The following GPC5 variants were observed in gnomAD, a reference collection of about 807,000 sequenced individuals.
GPC5 encodes the protein glypican-5.
GPC5 carries 47 observed loss-of-function variants against 53.9 expected under a neutral mutation model. The observed-to-expected ratio is 0.87, with a 90% CI of 0.69 to 1.11. GPC5 has a LOEUF of 1.11. Among genes scored for constraint, GPC5 ranks in the 50% most tolerant of loss-of-function variants. The pLI, the probability that GPC5 is intolerant of heterozygous loss-of-function variation, is 0.00. For missense variants in GPC5, 748 were observed against 713.1 expected, an observed-to-expected ratio of 1.05 and a Z score of -0.56; for synonymous variants, 286 against 263.3, an observed-to-expected ratio of 1.09 and a Z score of -0.84.
At chr13:92,715,075 A>C (rs7317017) in intron 7 of GPC5, among the ~76,000 whole-genome samples, 32,567 of 152,152 alleles carry the variant, frequency 0.21, 3,669 homozygotes, top group East Asian at 0.41. Flanking sequence ...AAAAGAAAAA[A>C]AGAATTGGTT....
At chr13:92,026,474 C>A (rs1400885573) in intron 6 of GPC5, among the ~76,000 whole-genome samples, 1 of 148,566 alleles carries the variant, frequency 6.7e-6, no homozygotes, top group African/African-American at 2.5e-5. Context: ...TTGTACTGAG[C>A]TAAGCAGCAG....
At chr13:91,764,224 A>T (rs2037476040) in intron 5 of GPC5, among the ~76,000 whole-genome samples, 1 of 152,126 alleles carries the variant, frequency 6.6e-6, no homozygotes, top group Non-Finnish European at 1.5e-5. Flanking sequence ...GCTTAGGGAA[A>T]TATTAATCAT....
chr13:92,542,637 G>A (rs1282787226), intron 7 of GPC5, among the ~76,000 whole-genome samples: 1 of 151,902 alleles, frequency 6.6e-6, no homozygotes, highest in African/African-American at 2.4e-5. Flanking sequence ...CCTTCCAGAT[G>A]TAAGACTCAC....
At chr13:91,778,238 G>C (rs2037742558) in intron 5 of GPC5, among the ~76,000 whole-genome samples, 1 of 152,132 alleles carries the variant, frequency 6.6e-6, no homozygotes, top group Non-Finnish European at 1.5e-5. Context: ...ACAAACTAGA[G>C]CAAAGTCTTC....
chr13:92,555,826 T>C (rs934164501), intron 7 of GPC5, among the ~76,000 whole-genome samples: 1 of 150,812 alleles, frequency 6.6e-6, no homozygotes, highest in Non-Finnish European at 1.5e-5. Context: ...ATACATCTGC[T>C]ACAGGGGTTG....
chr13:91,517,589 C>T (rs1033191364), intron 2 of GPC5, among the ~76,000 whole-genome samples: 5 of 152,192 alleles, frequency 3.3e-5, no homozygotes, highest in Admixed American at 2.0e-4. Context: ...CAAAGTGTTT[C>T]AATTTCTACC....
chr13:91,960,590 C>CA (rs2040117593), intron 6 of GPC5, among the ~76,000 whole-genome samples: 1 of 151,750 alleles, frequency 6.6e-6, no homozygotes, highest in African/African-American at 2.4e-5. Context: ...AAAAAGAGTC[C>CA]AAATACTCAA....
chr13:91,491,062 A>G (rs757045750), intron 2 of GPC5, among the ~76,000 whole-genome samples: 1 of 152,102 alleles, frequency 6.6e-6, no homozygotes, highest in Non-Finnish European at 1.5e-5. Context: ...TCTGTGTTTA[A>G]TTTAACTTCT....
At chr13:92,722,978 A>G (rs1888544669) in intron 7 of GPC5, among the ~76,000 whole-genome samples, 1 of 151,948 alleles carries the variant, frequency 6.6e-6, no homozygotes, top group Middle Eastern at 3.4e-3. Context: ...CCAAAAAATT[A>G]TGTACTTAGA....
chr13:92,427,141 T>C (rs1451418359), intron 7 of GPC5, among the ~76,000 whole-genome samples: 1 of 151,692 alleles, frequency 6.6e-6, no homozygotes, highest in African/African-American at 2.4e-5. Context: ...ATTTTCAAGA[T>C]TGGAGAAGAC....
intron 7 of GPC5, among the ~76,000 whole-genome samples, chr13:92,518,060 T>G (rs972468572): frequency 6.6e-6 from 1 of 151,820 alleles, no homozygotes; most frequent in Non-Finnish European, 1.5e-5. Flanking sequence ...TTTGATCAAC[T>G]GGAAGAAAGG....
chr13:91,517,234 A>G (rs1177041552), intron 2 of GPC5, among the ~76,000 whole-genome samples: 2 of 152,124 alleles, frequency 1.3e-5, no homozygotes, highest in African/African-American at 4.8e-5. Context: ...CCAAACTTTT[A>G]TGCTCTGCTT....
chr13:91,428,517 A>T (rs1358004781), intron 1 of GPC5, among the ~76,000 whole-genome samples: 2 of 152,170 alleles, frequency 1.3e-5, no homozygotes, highest in Non-Finnish European at 1.5e-5. Context: ...CACCAAATGA[A>T]AATGGAAGTT....
chr13:91,706,133 C>T (rs2036099867), intron 3 of GPC5, among the ~76,000 whole-genome samples: 1 of 151,922 alleles, frequency 6.6e-6, no homozygotes, highest in African/African-American at 2.4e-5. Flanking sequence ...CCCACCTTGG[C>T]CTCCCAAAGT....
At chr13:92,766,821 C>A (rs955659651) in intron 7 of GPC5, among the ~76,000 whole-genome samples, 3 of 152,314 alleles carry the variant, frequency 2.0e-5, no homozygotes, top group East Asian at 3.9e-4. Context: ...AGTTCAATTT[C>A]TTTATACATT....
At chr13:92,284,219 A>G (rs2042937043) in intron 7 of GPC5, among the ~76,000 whole-genome samples, 1 of 152,208 alleles carries the variant, frequency 6.6e-6, no homozygotes, top group Non-Finnish European at 1.5e-5. Context: ...TAGACCAATA[A>G]CAGGCTCTGA....
rs187449963 is a variant in GPC5, at chr13:92,109,215, C to T, written c.1402-35615C>T. 3.3e-5 allele frequency among the ~76,000 whole-genome samples: 5 copies of T among 151,844 alleles called. No individual in the cohort carries two copies. In the East Asian group the frequency reaches 9.7e-4, roughly 29 times the overall value. On this transcript the variant is annotated intron_variant, in intron 6 of 7. Transcript: ENST00000377067. ...CTAAGTAGCTGGGACTACAGGCACTCACCACCACACCCAGTTCCTTTTTAT... is the reference window on the plus strand; with the variant it reads ...CTAAGTAGCTGGGACTACAGGCACTTACCACCACACCCAGTTCCTTTTTAT...
At chr13:91,804,391 A>G (rs531664740) in intron 5 of GPC5, among the ~76,000 whole-genome samples, 1 of 152,272 alleles carries the variant, frequency 6.6e-6, no homozygotes, top group East Asian at 1.9e-4. Flanking sequence ...TCTTATTGCC[A>G]CTTCAAAGTG....
intron 7 of GPC5, among the ~76,000 whole-genome samples, chr13:92,754,756 A>C (rs375124337): frequency 1.3e-5 from 2 of 151,310 alleles, no homozygotes; most frequent in African/African-American, 2.4e-5. Flanking sequence ...ATGGTAAAGG[A>C]ATCAATTCAA....
Sources: gnomAD v4.1 joint callset for allele counts (sites outside exome capture counted in the v4.1 genomes callset) on GRCh38, gnomAD v4.1.1 for gene constraint, MANE v1.5 for transcripts, NCBI Gene and HGNC (gene_info 2026-07-23, HGNC 2026-07-21) for gene names.